The following CSMD3 variants were observed in gnomAD, a reference collection of about 807,000 sequenced individuals.
The protein encoded by CSMD3 is CUB and sushi domain-containing protein 3.
A neutral mutation model predicts 435.2 loss-of-function variants in CSMD3; 177 were observed. The observed-to-expected ratio is 0.41, with a 90% CI of 0.36 to 0.46. The LOEUF is 0.46. CSMD3 is among the 20% of genes least tolerant of loss of function. The pLI is 0.34. For missense variants in CSMD3, 4,265 were observed against 4,504.6 expected (o/e 0.95, Z 1.52); for synonymous variants, 1,656 against 1,520.5 (o/e 1.09, Z -2.07).
chr8:112,776,379 C>T (rs72680203), intron 13 of CSMD3, among the ~76,000 whole-genome samples: 20,526 of 151,570 alleles, frequency 0.14, 1,902 homozygotes, highest in Non-Finnish European at 0.2. Context: ...ATTTTTCTTA[C>T]GAAAATACAT....
intron 3 of CSMD3, among the ~76,000 whole-genome samples, chr8:113,236,725 C>T (rs1365596392): frequency 2.0e-5 from 3 of 152,064 alleles, no homozygotes; most frequent in African/African-American, 7.2e-5. Context: ...AATCAGCATC[C>T]CAGCTTGCAG....
At chr8:112,332,430 C>G (rs1004280715) in intron 45 of CSMD3, among the ~76,000 whole-genome samples, 6 of 152,050 alleles carry the variant, frequency 3.9e-5, no homozygotes, top group African/African-American at 1.4e-4. Flanking sequence ...AGTGAGAAAA[C>G]CAACCTGACT....
intron 66 of CSMD3, 118 bp downstream of exon 66, chr8:112,241,602 G>A: frequency 4.2e-6 from 3 of 712,518 alleles, no homozygotes; most frequent in Non-Finnish European, 7.4e-6. Context: ...TCAAATTCAA[G>A]ACAGTCATAG....
At chr8:112,533,576 A>G (rs1825748822) in intron 27 of CSMD3, among the ~76,000 whole-genome samples, 1 of 151,756 alleles carries the variant, frequency 6.6e-6, no homozygotes. Context: ...AACAATCATA[A>G]ATATATATAT....
chr8:112,303,969 A>G (rs1461381456), intron 52 of CSMD3, among the ~76,000 whole-genome samples: 1 of 152,166 alleles, frequency 6.6e-6, no homozygotes, highest in African/African-American at 2.4e-5. Context: ...CTGAAACAAA[A>G]CAGACAATAA....
chr8:112,366,729 CT>C (rs1827818102), intron 38 of CSMD3, among the ~76,000 whole-genome samples: 2 of 152,164 alleles, frequency 1.3e-5, no homozygotes, highest in South Asian at 2.1e-4. Context: ...GATTTGGCTC[CT>C]TTTGACTTCC....
At chr8:113,277,127 G>A (rs949847393) in intron 3 of CSMD3, among the ~76,000 whole-genome samples, 1 of 151,870 alleles carries the variant, frequency 6.6e-6, no homozygotes, top group African/African-American at 2.4e-5. Context: ...TTTTTATTAA[G>A]AGCGCTTAGC....
At chr8:112,988,133 A>G (rs1033288664) in intron 6 of CSMD3, among the ~76,000 whole-genome samples, 14 of 152,030 alleles carry the variant, frequency 9.2e-5, no homozygotes, top group African/African-American at 3.4e-4. Flanking sequence ...TTCTCCCCAT[A>G]GTCTAGTCGC....
intron 5 of CSMD3, among the ~76,000 whole-genome samples, chr8:113,070,780 C>A (rs1272786905): frequency 6.6e-6 from 1 of 151,968 alleles, no homozygotes; most frequent in Non-Finnish European, 1.5e-5. Flanking sequence ...ATGCAATGAA[C>A]AAGGGAGTAT....
intron 7 of CSMD3, among the ~76,000 whole-genome samples, chr8:112,974,594 G>A (rs1408072501): frequency 6.6e-6 from 1 of 151,556 alleles, no homozygotes; most frequent in African/African-American, 2.4e-5. Flanking sequence ...TCTTATAAAT[G>A]GTAATATTTA....
At chr8:112,568,901 A>G (rs2131281940) in intron 24 of CSMD3, among the ~76,000 whole-genome samples, 1 of 152,232 alleles carries the variant, frequency 6.6e-6, no homozygotes, top group East Asian at 1.9e-4. Context: ...TGTCTTCTCA[A>G]TATCTCCCTT....
chr8:113,389,959 A>G (rs1490035155), intron 1 of CSMD3, among the ~76,000 whole-genome samples: 2 of 151,710 alleles, frequency 1.3e-5, no homozygotes, highest in East Asian at 3.8e-4. Context: ...ATTCTTTCTG[A>G]CATTATTGCT....
chr8:113,176,532 G>C (rs1339169741), intron 3 of CSMD3, among the ~76,000 whole-genome samples: 1 of 152,074 alleles, frequency 6.6e-6, no homozygotes, highest in East Asian at 1.9e-4. Flanking sequence ...TTAAAACTAA[G>C]TAGTGCTGCA....
At chr8:112,302,832 G>A (rs1821068415) in intron 52 of CSMD3, among the ~76,000 whole-genome samples, 1 of 150,886 alleles carries the variant, frequency 6.6e-6, no homozygotes, top group South Asian at 2.1e-4. Context: ...AATCATTTGA[G>A]GTCGCTATTA....
intron 10 of CSMD3, among the ~76,000 whole-genome samples, chr8:112,916,365 T>C (rs749465111): frequency 2.0e-5 from 3 of 151,850 alleles, no homozygotes; most frequent in Non-Finnish European, 4.4e-5. Flanking sequence ...TCAAATAACA[T>C]GTAAGTGATA....
chr8:113,415,491 C>T (rs545941478), intron 1 of CSMD3, among the ~76,000 whole-genome samples: 9 of 152,178 alleles, frequency 5.9e-5, no homozygotes, highest in South Asian at 4.1e-4. Context: ...AAATCTTCCA[C>T]GACTATGAAC....
At chr8:112,680,283 G>A (rs567459406) in intron 16 of CSMD3, among the ~76,000 whole-genome samples, 13 of 152,268 alleles carry the variant, frequency 8.5e-5, no homozygotes, top group Admixed American at 3.3e-4. Flanking sequence ...TCTTGAACCC[G>A]GGCGGCGGAG....
chr8:113,268,767 T>TTAAG (rs2093493700), intron 3 of CSMD3, among the ~76,000 whole-genome samples: 1 of 152,066 alleles, frequency 6.6e-6, no homozygotes, highest in Non-Finnish European at 1.5e-5. Context: ...ATTTGAGATA[T>TTAAG]TAAGTAGAAC....
At chr8:112,300,156 T>A (rs1820776592) in intron 53 of CSMD3, among the ~76,000 whole-genome samples, 1 of 147,430 alleles carries the variant, frequency 6.8e-6, no homozygotes, top group Non-Finnish European at 1.5e-5. Context: ...ATTTTAAATA[T>A]TGTATTTAAA....
Sources: gnomAD v4.1 joint callset for allele counts (sites outside exome capture counted in the v4.1 genomes callset) on GRCh38, gnomAD v4.1.1 for gene constraint, MANE v1.5 for transcripts, NCBI Gene and HGNC (gene_info 2026-07-23, HGNC 2026-07-21) for gene names.